NBAS: variants seen among roughly 807,000 people sequenced by gnomAD.
NBAS encodes NBAS subunit of NRZ tethering complex.
A neutral mutation model predicts 302.5 loss-of-function variants in NBAS; 219 were observed. That is an observed-to-expected ratio of 0.72 (90% CI 0.65 to 0.81). The LOEUF (loss-of-function observed/expected upper bound fraction) is 0.81. NBAS is among the 30% of genes least tolerant of loss of function. The probability of loss-of-function intolerance (pLI) is 0.00; values close to 1 mark genes in which losing one functional copy is unlikely to be tolerated. For synonymous variants in NBAS, 1,118 were observed against 1,021.6 expected, an observed-to-expected ratio of 1.09 and a Z score of -1.80; for missense variants, 2,932 against 2,841.6, an observed-to-expected ratio of 1.03 and a Z score of -0.72.
chr2:15,150,337 T>C, the NBAS span, among the ~76,000 whole-genome samples: 1 of 152,158 alleles, frequency 6.6e-6, no homozygotes, highest in Non-Finnish European at 1.5e-5. Flanking sequence ...CAATAATTAA[T>C]TGAATACCTT....
intron 25 of NBAS, among the ~76,000 whole-genome samples, chr2:15,402,732 C>T (rs897775474): frequency 6.6e-6 from 1 of 151,604 alleles, no homozygotes; most frequent in Non-Finnish European, 1.5e-5. Context: ...TTATATATTA[C>T]TCATTTAACT....
the NBAS span, among the ~76,000 whole-genome samples, chr2:14,938,627 C>T: frequency 4.6e-5 from 7 of 152,198 alleles, no homozygotes; most frequent in Non-Finnish European, 1.0e-4. Context: ...CAATCACACA[C>T]CTTTAATGAC....
chr2:15,343,818 T>C (rs1024127144), intron 35 of NBAS, among the ~76,000 whole-genome samples: 1 of 151,738 alleles, frequency 6.6e-6, no homozygotes, highest in Non-Finnish European at 1.5e-5. Flanking sequence ...TTCTTAGATA[T>C]AACAACAAAA....
the NBAS span, among the ~76,000 whole-genome samples, chr2:15,042,603 C>T: frequency 6.6e-6 from 1 of 152,298 alleles, no homozygotes; most frequent in Non-Finnish European, 1.5e-5. Context: ...CTGAAACTAG[C>T]ATATTCCCTG....
the NBAS span, among the ~76,000 whole-genome samples, chr2:14,912,972 G>A: frequency 3.5e-3 from 532 of 152,198 alleles, 3 homozygotes; most frequent in African/African-American, 0.01. Context: ...AAGTTTCTTC[G>A]GAAATCAGGT....
At chr2:15,057,911 A>G in the NBAS span, among the ~76,000 whole-genome samples, 11 of 152,192 alleles carry the variant, frequency 7.2e-5, no homozygotes, top group Non-Finnish European at 1.5e-4. Flanking sequence ...TTACTCCTGT[A>G]AGAATGGCCA....
the NBAS span, among the ~76,000 whole-genome samples, chr2:14,788,562 C>G: frequency 6.6e-6 from 1 of 152,148 alleles, no homozygotes; most frequent in African/African-American, 2.4e-5. Context: ...AGCTGCAGGT[C>G]TGTTGGAGTT....
At chr2:15,029,643 A>G in the NBAS span, among the ~76,000 whole-genome samples, 4 of 152,156 alleles carry the variant, frequency 2.6e-5, no homozygotes, top group Non-Finnish European at 5.9e-5. Flanking sequence ...AAACATTCTG[A>G]TAGGTTTTCG....
chr2:14,811,785 G>C, the NBAS span, among the ~76,000 whole-genome samples: 1 of 152,166 alleles, frequency 6.6e-6, no homozygotes, highest in Non-Finnish European at 1.5e-5. Flanking sequence ...GAATGTAAAT[G>C]ATGAAATGTA....
chr2:15,245,636 T>C (rs1183181052), intron 44 of NBAS, among the ~76,000 whole-genome samples: 6 of 151,502 alleles, frequency 4.0e-5, no homozygotes, highest in Admixed American at 6.6e-5. Context: ...GATGGATGGA[T>C]GGATGGATGG....
intron 31 of NBAS, among the ~76,000 whole-genome samples, chr2:15,372,997 A>T (rs898196059): frequency 3.3e-5 from 5 of 152,180 alleles, no homozygotes; most frequent in Non-Finnish European, 5.9e-5. Context: ...AATCCGTAAC[A>T]GCATGGCCTA....
At chr2:15,482,395 G>A (rs543818813) in intron 12 of NBAS, among the ~76,000 whole-genome samples, 1 of 152,266 alleles carries the variant, frequency 6.6e-6, no homozygotes, top group South Asian at 2.1e-4. Flanking sequence ...TGGGATTACT[G>A]GAATGAGCCA....
At chr2:15,500,472 G>C (rs1661461296) in intron 11 of NBAS, among the ~76,000 whole-genome samples, 1 of 148,712 alleles carries the variant, frequency 6.7e-6, no homozygotes, top group Admixed American at 6.8e-5. Flanking sequence ...AAGTTTACTA[G>C]ATATTCTACA....
intron 21 of NBAS, among the ~76,000 whole-genome samples, chr2:15,441,786 G>A (rs1188271247): frequency 6.6e-6 from 1 of 152,094 alleles, no homozygotes; most frequent in African/African-American, 2.4e-5. Flanking sequence ...GACAAACATA[G>A]GCTCAAAATA....
At chr2:15,304,475 G>A (rs968758233) in intron 40 of NBAS, among the ~76,000 whole-genome samples, 8 of 152,164 alleles carry the variant, frequency 5.3e-5, no homozygotes, top group Non-Finnish European at 7.4e-5. Flanking sequence ...AAAGATACCC[G>A]AAAATGTGAA....
At chr2:14,942,696 C>G in the NBAS span, among the ~76,000 whole-genome samples, 23 of 152,324 alleles carry the variant, frequency 1.5e-4, no homozygotes, top group East Asian at 4.4e-3. Context: ...CAGCTAAAGC[C>G]TAAACCCCCT....
intron 40 of NBAS, 31 bp downstream of exon 40, chr2:15,308,185 C>T (rs1671113088): frequency 1.2e-6 from 2 of 1,613,920 alleles, no homozygotes; most frequent in African/African-American, 1.3e-5. Flanking sequence ...TAACTCTGCT[C>T]AATAATAAGC....
downstream of NBAS, among the ~76,000 whole-genome samples, chr2:15,165,516 C>T (rs1047583271): frequency 6.6e-6 from 1 of 152,198 alleles, no homozygotes; most frequent in African/African-American, 2.4e-5. Context: ...CCAAAACTTT[C>T]ATCAGAGGAC....
the NBAS span, among the ~76,000 whole-genome samples, chr2:14,984,632 A>C: frequency 6.6e-6 from 1 of 152,204 alleles, no homozygotes; most frequent in East Asian, 1.9e-4. Flanking sequence ...TTTCTAGCCC[A>C]GCACTAATTC....
Sources: allele counts gnomAD v4.1 joint callset (sites outside exome capture counted in the v4.1 genomes callset), GRCh38; gene constraint gnomAD v4.1.1; transcripts MANE v1.5; gene names NCBI Gene and HGNC (gene_info 2026-07-23, HGNC 2026-07-21).